MYBL2: variants seen among roughly 807,000 people sequenced by gnomAD.
The protein encoded by MYBL2 is MYB proto-oncogene like 2.
Under a neutral mutation model 79.9 loss-of-function variants are expected in MYBL2, and 28 were observed. That is an observed-to-expected ratio of 0.35 (90% confidence interval 0.26 to 0.48). MYBL2 has a LOEUF of 0.48. Among genes scored for constraint, MYBL2 ranks in the 20% least tolerant of loss-of-function variants. MYBL2 has a pLI of 0.99. For missense variants in MYBL2, 735 were observed against 893.9 expected, an observed-to-expected ratio of 0.82 and a Z score of 2.27; for synonymous variants, 378 against 361.2, an observed-to-expected ratio of 1.05 and a Z score of -0.53.
intron 12 of MYBL2, among the ~76,000 whole-genome samples, chr20:43,714,666 C>T (rs1412341525): frequency 6.6e-6 from 1 of 151,934 alleles, no homozygotes; most frequent in East Asian, 1.9e-4. Context: ...CTGGCTCTGT[C>T]TCCCAGGCTG....
chr20:43,715,086 C>G, intron 12 of MYBL2, 48 bp from the exon 13 acceptor site: 1 of 1,606,596 alleles, frequency 6.2e-7, no homozygotes, highest in East Asian at 2.2e-5. Context: ...TCTTCCCTCT[C>G]ACAGCTTCTC....
intron 4 of MYBL2, among the ~76,000 whole-genome samples, chr20:43,685,147 CAA>C (rs112163259): frequency 0.81 from 105,106 of 129,552 alleles, 42,178 homozygotes; most frequent in Non-Finnish European, 0.86. Context: ...AACTCTGTCT[CAA>C]AAAAAAAAAA....
At position 43,673,919 on chromosome 20, in the gene MYBL2, G is replaced by A. The variant is rs753038240; in HGVS notation, c.114+20G>A. 9.7e-6 allele frequency: 15 copies of A among 1,546,964 alleles called. No homozygotes were observed. The highest frequency in any genetic ancestry group is 1.3e-5 in the Non-Finnish European group (15 of 1,142,740). On this transcript the variant is annotated intron_variant, in intron 2 of 13. Transcript: ENST00000217026. ...GAGGAGGTGAGTGCCATGGGGAAGA[G>A]AGGGTTGATGGCAGCTGGGGGCTGT...
chr20:43,709,942 C>T (rs373474022), intron 9 of MYBL2, 21 bp from the exon 10 acceptor site: 19 of 1,579,358 alleles, frequency 1.2e-5, no homozygotes, highest in Non-Finnish European at 1.6e-5. Context: ...TCACTAGTTC[C>T]CCCGTTCTGG....
intron 7 of MYBL2, among the ~76,000 whole-genome samples, chr20:43,702,204 C>T (rs1002700655): frequency 2.6e-5 from 4 of 152,048 alleles, no homozygotes; most frequent in Admixed American, 2.6e-4. Flanking sequence ...GAGGCTGAGG[C>T]GGGAGGATCA....
At chr20:43,673,998 G>A in intron 2 of MYBL2, 99 bp downstream of exon 2, 1 of 1,065,332 alleles carries the variant, frequency 9.4e-7, no homozygotes, top group Non-Finnish European at 1.4e-6. Context: ...GGGATGAAGA[G>A]GAGGAGCCGG....
At chr20:43,683,640 G>A (rs989077436) in intron 4 of MYBL2, among the ~76,000 whole-genome samples, 1 of 144,334 alleles carries the variant, frequency 6.9e-6, no homozygotes, top group Non-Finnish European at 1.5e-5. Flanking sequence ...TGCATCCTCC[G>A]CCTCCCGGGT....
At chr20:43,667,435 C>G in intron 1 of MYBL2, 132 bp downstream of exon 1, 1 of 605,422 alleles carries the variant, frequency 1.7e-6, no homozygotes. Flanking sequence ...TGGGGTGTTT[C>G]CGCGGAAATG....
chr20:43,714,471 C>A (rs285174), intron 12 of MYBL2, among the ~76,000 whole-genome samples: 131,544 of 152,188 alleles, frequency 0.86, 57,353 homozygotes, highest in South Asian at 0.93. Flanking sequence ...CTGGGGGCTG[C>A]ACGGCACCCA....
chr20:43,674,221 A>AAC (rs1568846556), intron 2 of MYBL2, among the ~76,000 whole-genome samples: 1 of 69,488 alleles, frequency 1.4e-5, no homozygotes, highest in East Asian at 4.6e-4. Flanking sequence ...CCAAATCTGT[A>AAC]ACTCCCCCCA....
chr20:43,704,205 A>G (rs1987731163), intron 8 of MYBL2, among the ~76,000 whole-genome samples: 1 of 152,172 alleles, frequency 6.6e-6, no homozygotes, highest in African/African-American at 2.4e-5. Flanking sequence ...TAGTAGAGAC[A>G]GGGTTTCTCC....
chr20:43,692,841 T>TA (rs1406421959), intron 6 of MYBL2, among the ~76,000 whole-genome samples: 4 of 152,166 alleles, frequency 2.6e-5, no homozygotes, highest in Non-Finnish European at 5.9e-5. Flanking sequence ...AGTTTTGAGT[T>TA]ATGACAAAGC....
At chr20:43,697,759 C>T (rs553995675) in intron 6 of MYBL2, among the ~76,000 whole-genome samples, 18 of 150,730 alleles carry the variant, frequency 1.2e-4, no homozygotes, top group Non-Finnish European at 2.1e-4. Context: ...AAAAAGAACC[C>T]AAAAAATTAA....
At position 43,673,494 on chromosome 20, in the gene MYBL2, G is replaced by C. The variant is rs190264281; in HGVS notation, c.21-312G>C. Among the ~76,000 whole-genome samples, 28 of 151,824 alleles carry C rather than the reference G, an allele frequency of 1.8e-4. No homozygotes were observed. In the East Asian group the frequency reaches 5.1e-3, roughly 28 times the overall value. On this transcript the variant is annotated intron_variant, in intron 1 of 13. Coordinates refer to ENST00000217026, the MANE Select transcript of MYBL2 (RefSeq NM_002466.4). ...TCTACAAAAAATACAAAAGTTAGCC[G>C]GGCGTGGTGGCATACCCCTGTAGTC...
At chr20:43,705,993 C>G (rs534652103) in intron 9 of MYBL2, among the ~76,000 whole-genome samples, 2 of 152,288 alleles carry the variant, frequency 1.3e-5, no homozygotes, top group African/African-American at 4.8e-5. Context: ...AGCCACCACA[C>G]CCGGCTAAAA....
chr20:43,671,726 C>T (rs1350474775), intron 1 of MYBL2, among the ~76,000 whole-genome samples: 1 of 149,902 alleles, frequency 6.7e-6, no homozygotes, highest in Non-Finnish European at 1.5e-5. Context: ...CCTGCCTTGG[C>T]CCCAAAGTGC....
At position 43,673,899 on chromosome 20, in the gene MYBL2, G is replaced by A; in HGVS notation, c.114G>A (p.Glu38=). ...GCAAGGTCAAATGGACCCATGAGGAGGTGAGTGCCATGGGGAAGAGAGGGT... is the reference window on the plus strand; with the variant it reads ...GCAAGGTCAAATGGACCCATGAGGAAGTGAGTGCCATGGGGAAGAGAGGGT... ...SKCKVKWTHE[E]DEQLRALVRQ... is the part of the protein sequence containing the mutation. The change falls in exon 2 of 14, where the codon GAG becomes GAA. Residue 38 remains glutamate, a splice_region_variant and synonymous_variant. Transcript: ENST00000217026. The A allele has an allele frequency of 1.3e-6, 2 of 1,551,802 alleles. No homozygotes were observed. The highest frequency in any genetic ancestry group is 1.7e-6 in the Non-Finnish European group (2 of 1,146,966).
intron 6 of MYBL2, 70 bp downstream of exon 6, chr20:43,692,389 T>C: frequency 6.3e-7 from 1 of 1,577,738 alleles, no homozygotes; most frequent in Non-Finnish European, 8.7e-7. Context: ...ATTGAACACC[T>C]TGTCCACAGC....
intron 4 of MYBL2, among the ~76,000 whole-genome samples, chr20:43,685,715 A>G (rs894028881): frequency 1.3e-5 from 2 of 152,002 alleles, no homozygotes; most frequent in African/African-American, 2.4e-5. Context: ...AGATCGCCCC[A>G]CTGCACCCCA....
Sources: gnomAD v4.1 joint callset for allele counts (sites outside exome capture counted in the v4.1 genomes callset) on GRCh38, gnomAD v4.1.1 for gene constraint, MANE v1.5 for transcripts, NCBI Gene and HGNC (gene_info 2026-07-23, HGNC 2026-07-21) for gene names.